The following NOTCH1 variants were observed in gnomAD, a reference collection of about 807,000 sequenced individuals.
NOTCH1 encodes neurogenic locus notch homolog protein 1.
A neutral mutation model predicts 254.8 loss-of-function variants in NOTCH1; 37 were observed. That is an observed-to-expected ratio of 0.15 (90% confidence interval 0.11 to 0.19). NOTCH1 has a LOEUF of 0.19. Among genes scored for constraint, NOTCH1 ranks in the 10% least tolerant of loss-of-function variants. NOTCH1 has a pLI of 1.00. For missense variants in NOTCH1, 2,972 were observed against 3,708.6 expected (o/e 0.80, Z 5.16); for synonymous variants, 1,731 against 1,618.1 (o/e 1.07, Z -1.68).
At chr9:136,523,593 G>GGGGCTC in intron 3 of NOTCH1, 124 bp downstream of exon 3, 1 of 1,277,760 alleles carries the variant, frequency 7.8e-7, no homozygotes, top group Non-Finnish European at 1.1e-6. Context: ...CCCTGGGGCA[G>GGGGCTC]GGGCTCCCAA....
Position 136,523,697 on chromosome 9 carries a change from G to A in NOTCH1, c.403+20C>T, listed in dbSNP as rs1316026406. 1.9e-6 allele frequency: 3 copies of A among 1,590,942 alleles called. No homozygotes were observed. The highest frequency in any genetic ancestry group is 3.5e-5 in the Admixed American group (2 of 56,936). On this transcript the variant is annotated intron_variant, in intron 3 of 33. Coordinates refer to ENST00000651671, the MANE Select transcript of NOTCH1 (RefSeq NM_017617.5). ...CGGGCCTGGGTCTGCCCACCCCTCA[G>A]GCTGTGGGTCCTCCCTCACCTGACC...
Position 136,540,491 on chromosome 9 carries a change from G to C in NOTCH1, c.140+3533C>G, listed in dbSNP as rs1387488020. On this transcript the variant is annotated intron_variant, in intron 2 of 33. Coordinates refer to ENST00000651671, the MANE Select transcript of NOTCH1 (RefSeq NM_017617.5). This position sits in a 1 kb window ranked among gnomAD's most constrained non-coding sequence, Gnocchi z 4.4. Reference sequence around the variant, plus strand: ...CGTCAATCAATTAAACATTCAGGAAGGAGGCTCTGGAAACCAGCACTGTCA... The same window carrying C: ...CGTCAATCAATTAAACATTCAGGAACGAGGCTCTGGAAACCAGCACTGTCA... 6.6e-6 allele frequency among the ~76,000 whole-genome samples: 1 copy of C among 152,180 alleles called. No individual in the cohort carries two copies. Among genetic ancestry groups the C allele is most frequent in the Non-Finnish European group, 1.5e-5 (1 of 68,030 alleles).
At chr9:136,527,408 G>A (rs956121071) in intron 2 of NOTCH1, among the ~76,000 whole-genome samples, 18 of 151,998 alleles carry the variant, frequency 1.2e-4, no homozygotes, top group African/African-American at 2.9e-4. Context: ...GGTGTGGGCC[G>A]CGAGGTGGGC....
chr9:136,513,253 A>G lies in NOTCH1; in HGVS notation c.2354-119T>C. On this transcript the variant is annotated intron_variant, in intron 14 of 33. Coordinates refer to ENST00000651671, the MANE Select transcript of NOTCH1 (RefSeq NM_017617.5). The surrounding 1 kb of genome is among the most constrained non-coding windows in gnomAD (Gnocchi z 4.7). The stretch of plus-strand genomic sequence containing the variant: ...AGGCCCCTCCTCATCTCCAAGAGCC[A>G]GAGGCCTGGAGCTAAGGCTTTGCCA... The G allele has an allele frequency of 6.8e-7, 1 of 1,470,422 alleles. No homozygotes were observed. Among genetic ancestry groups the G allele is most frequent in the South Asian group, 1.2e-5 (1 of 86,598 alleles). 91.1% of individuals were successfully genotyped at this position (1,470,422 alleles called of 1,614,324 possible). A position where few individuals can be genotyped will look rare whatever the true frequency, so the allele number is the denominator to read the frequency against.
At chr9:136,526,751 T>C (rs1215224502) in intron 2 of NOTCH1, among the ~76,000 whole-genome samples, 1 of 152,076 alleles carries the variant, frequency 6.6e-6, no homozygotes, top group Non-Finnish European at 1.5e-5. Flanking sequence ...GCATCCCAGT[T>C]AACGAGGCTG....
chr9:136,520,810 G>C (rs3125011), intron 4 of NOTCH1, among the ~76,000 whole-genome samples: 1 of 151,768 alleles, frequency 6.6e-6, no homozygotes, highest in Non-Finnish European at 1.5e-5. Flanking sequence ...CCCCGGCTCC[G>C]AGGCAGATGG....
chr9:136,506,507 C>G lies in NOTCH1; in HGVS notation c.4014+20G>C, dbSNP rs539870548. ...TGTCTCCCCTGGCGGGCCCCTGCCTCCCTGCACCCCTGCACCTACCGCAGG... is the reference window on the plus strand; with the variant it reads ...TGTCTCCCCTGGCGGGCCCCTGCCTGCCTGCACCCCTGCACCTACCGCAGG... On this transcript the variant is annotated intron_variant, in intron 24 of 33. Coordinates refer to ENST00000651671, the MANE Select transcript of NOTCH1 (RefSeq NM_017617.5). This position sits in a 1 kb window ranked among gnomAD's most constrained non-coding sequence, Gnocchi z 4.5. 5 of 1,565,372 alleles carry G rather than the reference C, an allele frequency of 3.2e-6. No homozygotes were observed. The South Asian group carries it at 5.8e-5, about 18-fold the overall frequency.
chr9:136,523,478 G>A (rs1843408052), intron 3 of NOTCH1, among the ~76,000 whole-genome samples: 1 of 152,178 alleles, frequency 6.6e-6, no homozygotes, highest in Admixed American at 6.5e-5. Context: ...GGGGCGGCCT[G>A]GACACAGAGG....
In NOTCH1 at chr9:136,496,062, G is replaced by A. The variant is rs1365408425; in HGVS notation, c.*9C>T. 1.3e-6 allele frequency: 2 copies of A among 1,594,494 alleles called. No homozygotes were observed. The highest frequency in any genetic ancestry group is 1.1e-5 in the South Asian group (1 of 88,792). On this transcript the variant is annotated 3_prime_UTR_variant, in exon 34 of 34. Coordinates refer to ENST00000651671, the MANE Select transcript of NOTCH1 (RefSeq NM_017617.5). ...GGAAAGGAAGCCGGGGTCTCGTGGG[G>A]CGCGCCGTTTACTTGAAGGCCTCCG...
In NOTCH1 at chr9:136,516,037, T is replaced by C. The variant is rs756479454; in HGVS notation, c.1613A>G (p.Lys538Arg). The C allele has an allele frequency of 6.2e-7, 1 of 1,612,336 alleles. No homozygotes were observed. The highest frequency in any genetic ancestry group is 8.5e-7 in the Non-Finnish European group (1 of 1,179,918). Residue 538 changes from lysine (K) to arginine (R), a missense_variant, in exon 10 of 34, where the codon AAG becomes AGG. Coordinates refer to ENST00000651671, the MANE Select transcript of NOTCH1 (RefSeq NM_017617.5). Reference sequence around the variant, plus strand: ...TCCGTCCAGGCACTTGGCACCATTCTTGCAGGGGGTGCTGGCACACTCGTC... The same window carrying C: ...TCCGTCCAGGCACTTGGCACCATTCCTGCAGGGGGTGCTGGCACACTCGTC... ...DVDECASTPC[K>R]NGAKCLDGPN...
rs1060504521 is a variant in NOTCH1 at position 136,500,801 on chromosome 9, C to G, written c.5685G>C (p.Leu1895=). 6.2e-7 allele frequency: 1 copy of G among 1,600,054 alleles called. No individual in the cohort carries two copies. Among genetic ancestry groups the G allele is most frequent in the South Asian group, 1.1e-5 (1 of 91,040 alleles). Residue 1895 remains leucine, a synonymous_variant, in exon 31 of 34, where the codon CTG becomes CTC. Coordinates refer to ENST00000651671, the MANE Select transcript of NOTCH1 (RefSeq NM_017617.5). ...LMIASCSGGG[L]ETGNSEEEED... ...CCTCTTCCTCGCTGTTGCCCGTCTC[C>G]AGGCCGCCCCCGCTGCAGGAGGCGA...
Position 136,510,729 on chromosome 9 carries a change from G to A in NOTCH1, c.2664C>T (p.His888=), listed in dbSNP as rs61751548. ...CRHGASCQNT[H]GGYRCHCQAG... is the part of the protein sequence containing the mutation. ...CCTGGCAGTGGCAGCGGTAGCCGCC[G>A]TGGGTGTTCTGGCAGGATGCGCCGT... The change falls in exon 17 of 34, where the codon CAC becomes CAT. Residue 888 remains histidine, a synonymous_variant. Coordinates refer to ENST00000651671, the MANE Select transcript of NOTCH1 (RefSeq NM_017617.5). 26,056 of 1,610,620 alleles carry A rather than the reference G, an allele frequency of 0.016. 224 individuals are homozygous for A. Among genetic ancestry groups the A allele is most frequent in the Non-Finnish European group, 0.02 (23,078 of 1,179,782 alleles).
rs760814014 is a variant in NOTCH1, at chr9:136,507,399, C to A, written c.3549G>T (p.Glu1183Asp). 1.2e-6 allele frequency: 2 copies of A among 1,611,298 alleles called. No individual in the cohort carries two copies. Among genetic ancestry groups the A allele is most frequent in the East Asian group, 2.2e-5 (1 of 44,828 alleles). Residue 1183 changes from glutamate (E) to aspartate (D), a missense_variant, in exon 22 of 34, where the codon GAG becomes GAT. Physicochemically the swap from Glu to Asp is conservative, Grantham distance 45. Around this residue, in one of 8 missense-constraint regions of NOTCH1, gnomAD observed 1,343 missense variants for 1,557.0 expected, o/e 0.86. Coordinates refer to ENST00000651671, the MANE Select transcript of NOTCH1 (RefSeq NM_017617.5). ...AGYHGVNCSE[E>D]IDECLSHPCQ... ...AGGGGTGGGAGAGGCACTCGTCGAT[C>A]TCCTCAGAGCAGTTCACCCCGTGGT...
rs35627681 is a variant in NOTCH1 at position 136,501,755 on chromosome 9, G to A, written c.5631C>T (p.Arg1877=). The A allele has an allele frequency of 1.0e-4, 169 of 1,611,616 alleles. No individual in the cohort carries two copies. The highest frequency in any genetic ancestry group is 7.2e-4 in the Middle Eastern group (4 of 5,566). Residue 1877 remains arginine, a synonymous_variant, in exon 30 of 34, where the codon CGC becomes CGT. Coordinates refer to ENST00000651671, the MANE Select transcript of NOTCH1 (RefSeq NM_017617.5). ...GGCTGCTGGCACCCTTACCAGGCCC[G>A]CGGACATTGACGTCCATGCAGTCGG... ...VDADCMDVNV[R]GPDGFTPLMI...
Position 136,513,607 on chromosome 9 carries a change from G to A in NOTCH1, c.2208-70C>T. ...ACGGCCGGGGCCTGGGCACTCCCGG[G>A]TCTGCAATGCCCTATGGGCTGGCGG... On this transcript the variant is annotated intron_variant, in intron 13 of 33. Coordinates refer to ENST00000651671, the MANE Select transcript of NOTCH1 (RefSeq NM_017617.5). The surrounding 1 kb of genome is among the most constrained non-coding windows in gnomAD (Gnocchi z 4.7). The A allele has an allele frequency of 1.9e-6, 3 of 1,569,208 alleles. No individual in the cohort carries two copies. Among genetic ancestry groups the A allele is most frequent in the South Asian group, 1.1e-5 (1 of 89,202 alleles).
chr9:136,511,396 G>T, intron 15 of NOTCH1, 125 bp from the exon 16 acceptor site: 2 of 1,273,866 alleles, frequency 1.6e-6, no homozygotes, highest in South Asian at 1.4e-5. Flanking sequence ...AGGCAAATGT[G>T]CACCGAGACC....
chr9:136,510,853 C>A, intron 16 of NOTCH1, 48 bp from the exon 17 acceptor site: 1 of 1,600,602 alleles, frequency 6.2e-7, no homozygotes. Flanking sequence ...CCCTGGCCCT[C>A]CAGGCCCTTC....
rs2133379767 is a variant in NOTCH1, at chr9:136,523,949, G to T, written c.171C>A (p.Cys57Ter). 6.4e-7 allele frequency: 1 copy of T among 1,569,304 alleles called. No individual in the cohort carries two copies. Among genetic ancestry groups the T allele is most frequent in the Non-Finnish European group, 8.6e-7 (1 of 1,157,160 alleles). ...VCGGAFVGPR[C>*]QDPNPCLSTP... ...TGCTGAGGCACGGGTTGGGGTCCTG[G>T]CATCGCGGGCCCACGAAGGCCCCGC... The change falls in exon 3 of 34, where the codon TGC becomes TGA. Residue 57 changes from cysteine (C) to a stop codon, truncating the protein, a stop_gained. Transcript: ENST00000651671. LOFTEE classifies it high-confidence loss of function.
rs879405041 is a variant in NOTCH1 at position 136,501,827 on chromosome 9, C to G, written c.5559G>C (p.Leu1853=). 6.2e-7 allele frequency: 1 copy of G among 1,612,756 alleles called. No individual in the cohort carries two copies. Among genetic ancestry groups the G allele is most frequent in the Non-Finnish European group, 8.5e-7 (1 of 1,179,950 alleles). ...GTGTGGGGGCCATGGCAGACATGCG[C>G]AGGTCAGCGGCATCCAGGTGCTGCT... is the stretch of plus-strand genomic sequence containing the variant. ...WTQQHLDAAD[L]RMSAMAPTPP... The change falls in exon 30 of 34, where the codon CTG becomes CTC. Residue 1853 remains leucine (L), a synonymous_variant. Coordinates refer to ENST00000651671, the MANE Select transcript of NOTCH1 (RefSeq NM_017617.5).
Sources: gnomAD v4.1 joint callset for allele counts (sites outside exome capture counted in the v4.1 genomes callset) on GRCh38, gnomAD v4.1.1 for gene constraint, gnomAD v4.1.1 regional missense constraint, Gnocchi (gnomAD v3.1) non-coding constraint, MANE v1.5 for transcripts, NCBI Gene and HGNC (gene_info 2026-07-23, HGNC 2026-07-21) for gene names.